CCDC178: variants seen among roughly 807,000 people sequenced by gnomAD.
The protein encoded by CCDC178 is coiled-coil domain containing 178, also known as coiled-coil domain-containing protein 178.
CCDC178 carries 126 observed loss-of-function variants against 117.4 expected under a neutral mutation model. That is an observed-to-expected ratio of 1.07 (90% CI 0.93 to 1.24). CCDC178 has a LOEUF of 1.24. Ranked by LOEUF, CCDC178 falls within the 50% of genes most tolerant of loss-of-function variation. The pLI is 0.00. For synonymous variants in CCDC178, 283 were observed against 313.4 expected (o/e 0.90, Z 1.02); for missense variants, 1,030 against 986.9 (o/e 1.04, Z -0.59).
chr18:33,026,727 A>T (rs1232258431), intron 21 of CCDC178, among the ~76,000 whole-genome samples: 2 of 151,892 alleles, frequency 1.3e-5, no homozygotes, highest in East Asian at 1.9e-4. Flanking sequence ...TGCCAAGAGT[A>T]AAAAATCAAA....
chr18:32,981,021 T>G (rs1029236878), intron 21 of CCDC178, among the ~76,000 whole-genome samples: 1 of 152,162 alleles, frequency 6.6e-6, no homozygotes, highest in African/African-American at 2.4e-5. Context: ...CATTATGGTA[T>G]GTTCATACCC....
intron 20 of CCDC178, among the ~76,000 whole-genome samples, chr18:33,187,101 G>C (rs2058804252): frequency 2.6e-5 from 4 of 151,388 alleles, no homozygotes. Context: ...GAGAGAGAGA[G>C]AGAGAGAGAG....
intron 21 of CCDC178, among the ~76,000 whole-genome samples, chr18:33,067,810 C>T (rs994890227): frequency 1.4e-4 from 21 of 150,740 alleles, no homozygotes; most frequent in African/African-American, 5.1e-4. Context: ...CCAGCCTTGG[C>T]AACAAGAGAG....
chr18:33,387,698 A>G (rs939603279), intron 5 of CCDC178, among the ~76,000 whole-genome samples: 1 of 152,234 alleles, frequency 6.6e-6, no homozygotes, highest in Non-Finnish European at 1.5e-5. Context: ...TACACCTTAT[A>G]CAAAAATTAA....
intron 2 of CCDC178, among the ~76,000 whole-genome samples, chr18:33,425,204 G>A (rs1469327277): frequency 1.3e-5 from 2 of 152,080 alleles, no homozygotes; most frequent in Non-Finnish European, 2.9e-5. Flanking sequence ...ACAAACAATC[G>A]AGCAAGGCAG....
chr18:33,351,025 T>C (rs970427783), intron 7 of CCDC178, among the ~76,000 whole-genome samples: 3 of 152,154 alleles, frequency 2.0e-5, no homozygotes, highest in East Asian at 1.9e-4. Flanking sequence ...ATATCCTTTA[T>C]TGTGTTTAAT....
At chr18:33,203,706 C>A (rs2059017558) in intron 20 of CCDC178, among the ~76,000 whole-genome samples, 1 of 152,176 alleles carries the variant, frequency 6.6e-6, no homozygotes, top group Non-Finnish European at 1.5e-5. Context: ...TTCTCCATTT[C>A]ATTCTAAGTA....
chr18:32,993,260 T>G (rs1238314470), intron 21 of CCDC178, among the ~76,000 whole-genome samples: 3 of 152,034 alleles, frequency 2.0e-5, no homozygotes, highest in African/African-American at 4.8e-5. Context: ...CAGACCAAAT[T>G]AAGGACTGGC....
At chr18:32,947,240 G>T (rs1387284721) in intron 22 of CCDC178, among the ~76,000 whole-genome samples, 1 of 152,162 alleles carries the variant, frequency 6.6e-6, no homozygotes, top group Non-Finnish European at 1.5e-5. Flanking sequence ...ATGTGTAATG[G>T]CCAGATTATA....
intron 20 of CCDC178, among the ~76,000 whole-genome samples, chr18:33,211,545 A>G (rs1174504635): frequency 1.3e-5 from 2 of 151,678 alleles, no homozygotes; most frequent in East Asian, 3.9e-4. Context: ...TTCAAAGTAT[A>G]TTTATTCAGA....
chr18:33,351,492 C>T (rs1056728004), intron 7 of CCDC178, among the ~76,000 whole-genome samples: 6 of 151,964 alleles, frequency 3.9e-5, no homozygotes, highest in East Asian at 1.9e-4. Flanking sequence ...TGTGCCCGGC[C>T]GTATAATTAT....
intron 9 of CCDC178, among the ~76,000 whole-genome samples, chr18:33,334,434 A>G (rs1265183628): frequency 1.3e-5 from 2 of 152,064 alleles, no homozygotes; most frequent in African/African-American, 2.4e-5. Flanking sequence ...ATTAAATCCC[A>G]ATGAACAGAG....
At position 33,385,588 on chromosome 18, in the gene CCDC178, T is replaced by G. The variant is rs143625792; in HGVS notation, c.208+3952A>C. On this transcript the variant is annotated intron_variant, in intron 5 of 22. Transcript: ENST00000383096. ...CAAAACCACACAACTACATGGAAAC[T>G]GAACAACCTGCTCCTGAATGACTCC... Among the ~76,000 whole-genome samples, 1,461 of 152,212 alleles carry G rather than the reference T, an allele frequency of 9.6e-3. 17 individuals carry two copies. Among genetic ancestry groups the G allele is most frequent in the African/African-American group, 0.033 (1,382 of 41,526 alleles).
At chr18:33,412,158 A>G (rs953866091) in intron 2 of CCDC178, 48 bp from the exon 3 acceptor site, 19 of 745,588 alleles carry the variant, frequency 2.5e-5, no homozygotes, top group Non-Finnish European at 3.7e-5. Context: ...AAATTAGTTT[A>G]TATTTAATTT....
intron 21 of CCDC178, among the ~76,000 whole-genome samples, chr18:33,073,132 C>T (rs1008486689): frequency 6.6e-6 from 1 of 151,212 alleles, no homozygotes; most frequent in Non-Finnish European, 1.5e-5. Context: ...AATGGCTTTA[C>T]ATTTTTATAT....
At chr18:33,171,404 A>G (rs536144164) in intron 20 of CCDC178, among the ~76,000 whole-genome samples, 168 of 152,362 alleles carry the variant, frequency 1.1e-3, no homozygotes, top group Middle Eastern at 0.01. Context: ...TATAGTGAAC[A>G]CAACAATGAG....
At chr18:33,402,154 A>G (rs1197507927) in intron 3 of CCDC178, among the ~76,000 whole-genome samples, 3 of 152,206 alleles carry the variant, frequency 2.0e-5, no homozygotes, top group African/African-American at 7.2e-5. Context: ...AACCCACAAA[A>G]GACAAAAGTT....
chr18:33,056,472 A>C (rs917469457), intron 21 of CCDC178, among the ~76,000 whole-genome samples: 2 of 152,240 alleles, frequency 1.3e-5, no homozygotes, highest in African/African-American at 4.8e-5. Context: ...TGGCAGGGCC[A>C]TAAAATCACC....
At chr18:33,199,401 T>G (rs967677289) in intron 20 of CCDC178, among the ~76,000 whole-genome samples, 2 of 152,208 alleles carry the variant, frequency 1.3e-5, no homozygotes, top group Non-Finnish European at 2.9e-5. Flanking sequence ...TACTCAGTCT[T>G]CTCTTCCTGT....
Sources: gnomAD v4.1 joint callset for allele counts (sites outside exome capture counted in the v4.1 genomes callset) on GRCh38, gnomAD v4.1.1 for gene constraint, MANE v1.5 for transcripts, NCBI Gene and HGNC (gene_info 2026-07-23, HGNC 2026-07-21) for gene names.